BIRC6: variants seen among roughly 807,000 people sequenced by gnomAD.
The protein encoded by BIRC6 is dual E2 ubiquitin-conjugating enzyme/E3 ubiquitin-protein ligase BIRC6.
BIRC6 carries 98 observed loss-of-function variants against 503.3 expected under a neutral mutation model. The ratio of observed to expected loss-of-function variants is 0.19; its 90% CI spans 0.17 to 0.23. The LOEUF is 0.23. BIRC6 is among the 10% of genes least tolerant of loss of function. BIRC6 has a pLI of 1.00. For synonymous variants in BIRC6, 2,240 were observed against 2,078.7 expected, an observed-to-expected ratio of 1.08 and a Z score of -2.11; for missense variants, 5,360 against 5,806.0, an observed-to-expected ratio of 0.92 and a Z score of 2.50.
rs1305167372 is a variant in BIRC6, at chr2:32,510,599, G to A, written c.10311G>A (p.Gln3437=). Residue 3437 remains glutamine (Q), a synonymous_variant, in exon 53 of 74, where the codon CAG becomes CAA. Transcript: ENST00000421745. ...ACTCTACGATAGATATTCTTTACCA[G>A]CTTGGAACAACTCAGGATCCTGGTA... The part of the protein sequence containing the change: ...SSDSTIDILY[Q]LGTTQDPGTK... The A allele has an allele frequency of 1.2e-6, 2 of 1,608,678 alleles. No individual in the cohort carries two copies. Among genetic ancestry groups the A allele is most frequent in the Admixed American group, 1.7e-5 (1 of 60,000 alleles).
At chr2:32,382,771 T>G (rs2037865719) in intron 3 of BIRC6, among the ~76,000 whole-genome samples, 1 of 152,258 alleles carries the variant, frequency 6.6e-6, no homozygotes, top group African/African-American at 2.4e-5. Flanking sequence ...TTGCCCAGGC[T>G]GGAGTGCAGT....
chr2:32,387,834 A>G (rs902509223), intron 3 of BIRC6, among the ~76,000 whole-genome samples: 2 of 152,146 alleles, frequency 1.3e-5, no homozygotes, highest in African/African-American at 4.8e-5. Context: ...ATTTTTGGTG[A>G]TATATATAAG....
At chr2:32,597,628 C>G in intron 68 of BIRC6, 123 bp from the exon 69 acceptor site, 1 of 688,914 alleles carries the variant, frequency 1.5e-6, no homozygotes, top group Non-Finnish European at 2.5e-6. Flanking sequence ...TACACTTTTG[C>G]TATTCTTCCA....
intron 3 of BIRC6, among the ~76,000 whole-genome samples, chr2:32,384,009 G>A (rs1353588610): frequency 1.3e-5 from 2 of 152,124 alleles, no homozygotes; most frequent in Non-Finnish European, 2.9e-5. Context: ...GAACTTCTTT[G>A]ACTATTTATT....
rs186411481 is a variant in BIRC6, at chr2:32,616,701, C to T, written c.14395-1024C>T. On this transcript the variant is annotated intron_variant, in intron 73 of 73. Transcript: ENST00000421745. ...CTACCTGATAAATATTTTTTTCATT[C>T]GCTAAAGTATCAGTGGATTTATTTT... Among the ~76,000 whole-genome samples the T allele has an allele frequency of 6.6e-5, 10 of 151,756 alleles. No individual in the cohort carries two copies. In the East Asian group the frequency reaches 9.7e-4, roughly 15 times the overall value.
At chr2:32,536,006 T>C in intron 61 of BIRC6, among the ~76,000 whole-genome samples, 1 of 152,224 alleles carries the variant, frequency 6.6e-6, no homozygotes, top group African/African-American at 2.4e-5. Flanking sequence ...TTCTAAGTGG[T>C]GTGAGATGGT....
At chr2:32,562,782 T>C (rs2059282830) in intron 65 of BIRC6, among the ~76,000 whole-genome samples, 1 of 152,240 alleles carries the variant, frequency 6.6e-6, no homozygotes, top group Admixed American at 6.5e-5. Context: ...CTGCTTCCTT[T>C]TTTATCGCTG....
At chr2:32,421,647 A>T (rs2042967199) in intron 10 of BIRC6, among the ~76,000 whole-genome samples, 1 of 152,098 alleles carries the variant, frequency 6.6e-6, no homozygotes, top group Non-Finnish European at 1.5e-5. Flanking sequence ...GTTTCTCTAG[A>T]TTTCTTTCTG....
At chr2:32,607,189 TTATCATC>T (rs1204452154) in intron 71 of BIRC6, among the ~76,000 whole-genome samples, 1 of 119,630 alleles carries the variant, frequency 8.4e-6, no homozygotes, top group East Asian at 2.1e-4. Flanking sequence ...ATTATTATTA[TTATCATC>T]TATCTTCATA....
rs1463318795 is a variant in BIRC6, at chr2:32,369,940, AAAAAAATATATATATATATAT to A, written c.326-7646_326-7626del. ...ACCCTGTCTCTTAAAAAAAAAAAAA[AAAAAAATATATATATATATAT>A]ATATATATATATATATATATATATG... On this transcript the variant is annotated intron_variant, in intron 1 of 73. Transcript: ENST00000421745. 6.0e-5 allele frequency among the ~76,000 whole-genome samples: 3 copies of A among 50,208 alleles called. 1 individual carries two copies. The highest frequency in any genetic ancestry group is 3.2e-4 in the African/African-American group (3 of 9,308). The allele number at this position is 50,208 out of a possible 152,430, so 32.9% of individuals were successfully genotyped here.
intron 45 of BIRC6, among the ~76,000 whole-genome samples, chr2:32,498,630 C>T (rs1229803081): frequency 1.3e-5 from 2 of 152,090 alleles, no homozygotes; most frequent in Non-Finnish European, 1.5e-5. Context: ...CTCTGTCACC[C>T]AGGCTAGAGT....
chr2:32,375,504 C>T lies in BIRC6; in HGVS notation c.326-2084C>T, dbSNP rs937804237. Among the ~76,000 whole-genome samples the T allele has an allele frequency of 3.3e-5, 5 of 151,824 alleles. No homozygotes were observed. The South Asian group carries it at 1.0e-3, about 32-fold the overall frequency. On this transcript the variant is annotated intron_variant, in intron 1 of 73. Transcript: ENST00000421745. Reference sequence around the variant, plus strand: ...AAAAACAAACAAACAAAAAAAACCCCCAAAAAACTCCAGACCTTGTGATCC... The same window carrying T: ...AAAAACAAACAAACAAAAAAAACCCTCAAAAAACTCCAGACCTTGTGATCC...
intron 21 of BIRC6, among the ~76,000 whole-genome samples, chr2:32,447,719 CCCT>C (rs2046221640): frequency 1.1e-5 from 1 of 88,856 alleles, no homozygotes; most frequent in South Asian, 4.7e-4. Context: ...CCCCCCACCT[CCCT>C]CCTGGTCGGG....
chr2:32,415,015 A>G lies in BIRC6; in HGVS notation c.1724A>G (p.Tyr575Cys). The change falls in exon 10 of 74, where the codon TAT (tyrosine) becomes TGT (cysteine). Residue 575 changes from tyrosine to cysteine, a missense_variant. Transcript: ENST00000421745. ...PCLLAGGLLT[Y>C]KSPATSPISS... ...TTATTAGCTGGAGGTTTATTAACATATAAATCTCCTGCTACCTCACCCATT... is the reference window on the plus strand; with the variant it reads ...TTATTAGCTGGAGGTTTATTAACATGTAAATCTCCTGCTACCTCACCCATT... The G allele has an allele frequency of 6.2e-7, 1 of 1,613,902 alleles. No homozygotes were observed. The highest frequency in any genetic ancestry group is 1.1e-5 in the South Asian group (1 of 91,054).
In BIRC6 at chr2:32,515,364, C is replaced by G. The variant is rs1193737396; in HGVS notation, c.10943C>G (p.Ser3648Cys). Reference sequence around the variant, plus strand: ...GCTAGTTTCTGCTTTAGCCACATTTCTAGCTCAGAAAGCATTGCCCAGTCA... The same window carrying G: ...GCTAGTTTCTGCTTTAGCCACATTTGTAGCTCAGAAAGCATTGCCCAGTCA... ...SLASFCFSHI[S>C]SSESIAQSID... is the part of the protein sequence containing the mutation. The change falls in exon 55 of 74, where the codon TCT becomes TGT. Residue 3648 changes from serine (S) to cysteine (C), a missense_variant. Transcript: ENST00000421745. The G allele has an allele frequency of 6.2e-7, 1 of 1,613,722 alleles. No homozygotes were observed.
chr2:32,537,003 A>G (rs1377847428), intron 61 of BIRC6, among the ~76,000 whole-genome samples: 2 of 152,014 alleles, frequency 1.3e-5, no homozygotes, highest in Non-Finnish European at 2.9e-5. Context: ...ACTCCTAGGT[A>G]TTTTATTCTC....
intron 65 of BIRC6, among the ~76,000 whole-genome samples, chr2:32,556,083 C>A (rs930013216): frequency 6.6e-5 from 10 of 152,126 alleles, no homozygotes; most frequent in African/African-American, 1.4e-4. Context: ...TATATATGGT[C>A]ACTAGCAAGG....
intron 65 of BIRC6, among the ~76,000 whole-genome samples, chr2:32,563,078 C>T (rs965969473): frequency 9.2e-5 from 14 of 152,260 alleles, no homozygotes; most frequent in African/African-American, 3.1e-4. Flanking sequence ...TTTGCCTTTC[C>T]ATAGAAACTT....
chr2:32,453,759 T>G (rs1222069598), intron 22 of BIRC6, 49 bp from the exon 23 acceptor site: 2 of 1,581,678 alleles, frequency 1.3e-6, no homozygotes, highest in South Asian at 1.1e-5. Flanking sequence ...TGACTATTGC[T>G]TTTTAAAAAT....
Sources: gnomAD v4.1 joint callset for allele counts (sites outside exome capture counted in the v4.1 genomes callset) on GRCh38, gnomAD v4.1.1 for gene constraint, MANE v1.5 for transcripts, NCBI Gene and HGNC (gene_info 2026-07-23, HGNC 2026-07-21) for gene names.